The following MBOAT1 variants were observed in gnomAD, a reference collection of about 807,000 sequenced individuals.
The protein encoded by MBOAT1 is membrane-bound glycerophospholipid O-acyltransferase 1.
MBOAT1 carries 67 observed loss-of-function variants against 64.4 expected under a neutral mutation model. That is an observed-to-expected ratio of 1.04 (90% CI 0.85 to 1.27). MBOAT1 has a LOEUF of 1.27. Ranked by LOEUF, MBOAT1 falls within the 50% of genes most tolerant of loss-of-function variation. MBOAT1 has a pLI of 0.00. For missense variants in MBOAT1, 563 were observed against 604.6 expected (o/e 0.93, Z 0.72); for synonymous variants, 229 against 218.9 (o/e 1.05, Z -0.41).
intron 1 of MBOAT1, among the ~76,000 whole-genome samples, chr6:20,168,640 A>AGAGAAGAGAAGAGAAGAGAAGAGAG (rs1254759093): frequency 3.7e-5 from 2 of 53,758 alleles, no homozygotes; most frequent in African/African-American, 1.2e-4. Flanking sequence ...AGAGAAGAGA[A>AGAGAAGAGAAGAGAAGAGAAGAGAG]GAGAGGAGAG....
intron 1 of MBOAT1, among the ~76,000 whole-genome samples, chr6:20,167,964 C>T (rs1193723746): frequency 6.6e-6 from 1 of 152,122 alleles, no homozygotes; most frequent in Non-Finnish European, 1.5e-5. Context: ...GATGAATTTC[C>T]CTGCACATCC....
chr6:20,206,962 C>A (rs1414856923), intron 1 of MBOAT1, among the ~76,000 whole-genome samples: 1 of 152,218 alleles, frequency 6.6e-6, no homozygotes, highest in Non-Finnish European at 1.5e-5. Context: ...TTCCTCTTCA[C>A]TCTTACCACC....
chr6:20,114,947 A>G (rs1245987696), intron 10 of MBOAT1, among the ~76,000 whole-genome samples: 3 of 151,950 alleles, frequency 2.0e-5, no homozygotes, highest in Non-Finnish European at 4.4e-5. Flanking sequence ...CTATCCCTTC[A>G]CTGGGTGACT....
intron 4 of MBOAT1, among the ~76,000 whole-genome samples, chr6:20,137,865 G>C (rs1761044658): frequency 1.3e-5 from 2 of 152,120 alleles, no homozygotes; most frequent in Non-Finnish European, 2.9e-5. Context: ...AAAGAGAATG[G>C]CTATACATCA....
chr6:20,181,958 C>A (rs866777081), intron 1 of MBOAT1, among the ~76,000 whole-genome samples: 2 of 152,168 alleles, frequency 1.3e-5, no homozygotes, highest in African/African-American at 4.8e-5. Flanking sequence ...AGAGTCGGAA[C>A]AATTATGGTT....
intron 4 of MBOAT1, among the ~76,000 whole-genome samples, chr6:20,138,908 C>T (rs1031505764): frequency 6.6e-6 from 1 of 152,168 alleles, no homozygotes; most frequent in African/African-American, 2.4e-5. Context: ...AGAATCTGTT[C>T]CATTCTCCTT....
chr6:20,180,355 C>A (rs1205350136), intron 1 of MBOAT1, among the ~76,000 whole-genome samples: 1 of 152,114 alleles, frequency 6.6e-6, no homozygotes, highest in Non-Finnish European at 1.5e-5. Flanking sequence ...ATTTCCCCTT[C>A]ATTCCTTTTC....
At chr6:20,111,667 A>G (rs1002999207) in intron 11 of MBOAT1, among the ~76,000 whole-genome samples, 2 of 151,460 alleles carry the variant, frequency 1.3e-5, no homozygotes, top group Non-Finnish European at 2.9e-5. Flanking sequence ...CTTGTTCTTT[A>G]GTTTTCTTTT....
At chr6:20,199,269 T>A (rs577954328) in intron 1 of MBOAT1, among the ~76,000 whole-genome samples, 21 of 152,354 alleles carry the variant, frequency 1.4e-4, no homozygotes, top group African/African-American at 5.1e-4. Context: ...ATCATTAAGA[T>A]GAAACAGAGC....
chr6:20,131,494 C>T (rs1265941599), intron 4 of MBOAT1, among the ~76,000 whole-genome samples: 2 of 152,282 alleles, frequency 1.3e-5, no homozygotes, highest in East Asian at 3.9e-4. Context: ...CTTCTCCTTC[C>T]GCCATGATTG....
chr6:20,212,097 T>C (rs1333742268), intron 1 of MBOAT1, 39 bp downstream of exon 1: 11 of 1,589,398 alleles, frequency 6.9e-6, no homozygotes, highest in Non-Finnish European at 8.6e-6. Context: ...ACGCGATCGC[T>C]GGGGAGCTGG....
At chr6:20,116,402 G>A (rs1425181421) in intron 9 of MBOAT1, among the ~76,000 whole-genome samples, 1 of 152,068 alleles carries the variant, frequency 6.6e-6, no homozygotes, top group East Asian at 1.9e-4. Context: ...TCCTAAAGAA[G>A]GCAGAAAGTC....
chr6:20,161,529 A>T (rs763859908), intron 1 of MBOAT1, among the ~76,000 whole-genome samples: 8 of 152,060 alleles, frequency 5.3e-5, no homozygotes, highest in Non-Finnish European at 1.2e-4. Flanking sequence ...ATTGTGTCTC[A>T]TCATAACAAT....
intron 1 of MBOAT1, among the ~76,000 whole-genome samples, chr6:20,194,398 G>A (rs867702275): frequency 6.6e-6 from 1 of 152,138 alleles, no homozygotes; most frequent in Non-Finnish European, 1.5e-5. Flanking sequence ...GGCTTCTTTG[G>A]CTGTGGCAGT....
intron 11 of MBOAT1, among the ~76,000 whole-genome samples, chr6:20,111,068 A>T (rs1311882305): frequency 6.6e-6 from 1 of 152,200 alleles, no homozygotes; most frequent in Non-Finnish European, 1.5e-5. Flanking sequence ...TAGCATCATG[A>T]TTCCCGTTTT....
At chr6:20,179,134 A>C (rs1297915016) in intron 1 of MBOAT1, among the ~76,000 whole-genome samples, 4 of 140,888 alleles carry the variant, frequency 2.8e-5, no homozygotes, top group African/African-American at 8.1e-5. Context: ...GTTATTCTGC[A>C]TGCTTCAAGT....
At chr6:20,174,086 G>C (rs1160865226) in intron 1 of MBOAT1, among the ~76,000 whole-genome samples, 1 of 152,116 alleles carries the variant, frequency 6.6e-6, no homozygotes, top group Admixed American at 6.5e-5. Context: ...TCTTAGCACC[G>C]ACCACACAGT....
At chr6:20,117,952 A>G (rs1408070715) in intron 9 of MBOAT1, among the ~76,000 whole-genome samples, 2 of 152,174 alleles carry the variant, frequency 1.3e-5, no homozygotes, top group African/African-American at 4.8e-5. Flanking sequence ...GAAAAACCAC[A>G]CTATTCTAGT....
chr6:20,129,334 C>T (rs1760750689), intron 5 of MBOAT1, among the ~76,000 whole-genome samples: 1 of 152,016 alleles, frequency 6.6e-6, no homozygotes, highest in Non-Finnish European at 1.5e-5. Flanking sequence ...ATCATTCGTC[C>T]GAATCAGAAA....
Sources: gnomAD v4.1 joint callset for allele counts (sites outside exome capture counted in the v4.1 genomes callset) on GRCh38, gnomAD v4.1.1 for gene constraint, MANE v1.5 for transcripts, NCBI Gene and HGNC (gene_info 2026-07-23, HGNC 2026-07-21) for gene names.